Variants in TNFAIP3 observed in about 807,000 individuals in gnomAD.
The protein encoded by TNFAIP3 is tumor necrosis factor alpha-induced protein 3.
TNFAIP3 carries 9 observed loss-of-function variants against 72.4 expected under a neutral mutation model. The observed-to-expected ratio is 0.12, with a 90% CI of 0.07 to 0.22. The LOEUF is 0.22. Ranked by LOEUF, TNFAIP3 falls within the 10% of genes least tolerant of loss-of-function variation. The pLI is 1.00. For synonymous variants in TNFAIP3, 339 were observed against 372.6 expected (o/e 0.91, Z 1.04); for missense variants, 833 against 1,018.7 (o/e 0.82, Z 2.48).
At position 137,876,283 on chromosome 6, in the gene TNFAIP3, G is replaced by A. The variant is rs748432779; in HGVS notation, c.805+117G>A. ...TATATTATTTTTATTTAAATATATT[G>A]TTCTGTGACTTGCTTGGTTAGTAAG... On this transcript the variant is annotated intron_variant, in intron 5 of 8. Transcript: ENST00000612899. 6 of 878,324 alleles carry A rather than the reference G, an allele frequency of 6.8e-6. No individual in the cohort carries two copies. The African/African-American group carries it at 1.0e-4, about 15-fold the overall frequency. 54.4% of individuals were successfully genotyped at this position (878,324 alleles called of 1,614,324 possible).
intron 1 of TNFAIP3, among the ~76,000 whole-genome samples, chr6:137,870,866 G>A (rs1776034746): frequency 6.6e-6 from 1 of 152,158 alleles, no homozygotes; most frequent in African/African-American, 2.4e-5. Context: ...AATGAAACGG[G>A]AGCTTAAGTT....
In TNFAIP3 at chr6:137,871,664, A is replaced by G. The variant is rs567515899; in HGVS notation, c.295+142A>G. On this transcript the variant is annotated intron_variant, in intron 2 of 8. Transcript: ENST00000612899. This position sits in a 1 kb window ranked among gnomAD's most constrained non-coding sequence, Gnocchi z 4.2. ...ATTGAGACCTTTATATAGAATCTCTATTCGGGGTATGTGATAATAGCAGAC... is the reference window on the plus strand; with the variant it reads ...ATTGAGACCTTTATATAGAATCTCTGTTCGGGGTATGTGATAATAGCAGAC... 3.6e-4 allele frequency: 329 copies of G among 904,020 alleles called. 6 individuals carry two copies. The South Asian group carries it at 5.5e-3, about 15-fold the overall frequency. The allele number at this position is 904,020 out of a possible 1,614,324, so 56.0% of individuals were successfully genotyped here.
chr6:137,880,097 A>C lies in TNFAIP3; in HGVS notation c.1933A>C (p.Ser645Arg). ...TTTTGCTGCTGCCTCAGGGAAAGTC[A>C]GTCCCACAGCGTCCAGGTTCCAGAA... ...KHFAAASGKV[S>R]PTASRFQNTI... Residue 645 changes from serine (S) to arginine (R), a missense_variant, in exon 8 of 9, where the codon AGT becomes CGT. Ser to Arg is a moderately radical substitution (Grantham distance 110). Around this residue, in one of 2 missense-constraint regions of TNFAIP3, gnomAD observed 587 missense variants for 657.8 expected, o/e 0.89. Transcript: ENST00000612899. 3 of 1,614,192 alleles carry C rather than the reference A, an allele frequency of 1.9e-6. No homozygotes were observed. Among genetic ancestry groups the C allele is most frequent in the Non-Finnish European group, 2.5e-6 (3 of 1,180,028 alleles).
upstream of TNFAIP3, chr6:137,867,099 C>G (rs1347572464): frequency 1.3e-5 from 2 of 150,836 alleles, no homozygotes; most frequent in South Asian, 4.1e-4. This position sits in a 1 kb window ranked among gnomAD's most constrained non-coding sequence, Gnocchi z 6.0. Context: ...CAGGCCCGGT[C>G]GGGCGGAGGC....
At chr6:137,874,463 A>G (rs1408521943) in intron 2 of TNFAIP3, among the ~76,000 whole-genome samples, 1 of 152,186 alleles carries the variant, frequency 6.6e-6, no homozygotes, top group African/African-American at 2.4e-5. Context: ...CAGCAAATCA[A>G]GGGATGGTAG....
intron 2 of TNFAIP3, among the ~76,000 whole-genome samples, chr6:137,874,039 T>C (rs904845592): frequency 6.6e-6 from 1 of 152,244 alleles, no homozygotes; most frequent in Non-Finnish European, 1.5e-5. Context: ...GCCCATTGAA[T>C]TGTGAGTTTT....
chr6:137,866,784 G>C (rs923505442), upstream of TNFAIP3: 1 of 152,386 alleles, frequency 6.6e-6, no homozygotes, highest in African/African-American at 2.4e-5. Context: ...GAGCCGGCCC[G>C]AGGCCTGCGG....
At position 137,871,453 on chromosome 6, in the gene TNFAIP3, A is replaced by T. The variant is rs754580592; in HGVS notation, c.226A>T (p.Thr76Ser). 1.9e-6 allele frequency: 3 copies of T among 1,614,180 alleles called. No homozygotes were observed. The East Asian group carries it at 6.7e-5, about 36-fold the overall frequency. ...CCTCATCGACAGAAACATCCAGGCC[A>T]CCCTGGAAAGCCAGAAGAAACTCAA... Reference protein sequence around the residue: ...KALIDRNIQATLESQKKLNWC... With the variant: ...KALIDRNIQASLESQKKLNWC... The change falls in exon 2 of 9, where the codon ACC becomes TCC. Residue 76 changes from threonine (T) to serine (S), a missense_variant. Physicochemically the swap from Thr to Ser is moderately conservative, Grantham distance 58. Transcript: ENST00000612899. This position sits in a 1 kb window ranked among gnomAD's most constrained non-coding sequence, Gnocchi z 4.2.
In TNFAIP3 at chr6:137,867,514, G is replaced by C. The variant is rs1480600021; in HGVS notation, c.-44G>C. On this transcript the variant is annotated 5_prime_UTR_variant, in exon 1 of 9. Transcript: ENST00000612899. The surrounding 1 kb of genome is among the most constrained non-coding windows in gnomAD (Gnocchi z 6.0). ...GGAGAGGTAACCGCCGCGCCTCCCG[G>C]AGAGGTAACCGCCGCGCCTCCCGGA... is the stretch of plus-strand genomic sequence containing the variant. 2 of 153,204 alleles carry C rather than the reference G, an allele frequency of 1.3e-5. No individual in the cohort carries two copies. The highest frequency in any genetic ancestry group is 4.8e-5 in the African/African-American group (2 of 41,396). The allele number at this position is 153,204 out of a possible 1,614,324, so 9.5% of individuals were successfully genotyped here. A position where few individuals can be genotyped will look rare whatever the true frequency, so the allele number is the denominator to read the frequency against.
At position 137,871,667 on chromosome 6, in the gene TNFAIP3, CGGGGTATGTGATAATAGCAG is replaced by C; in HGVS notation, c.295+146_295+165del. 1 of 894,414 alleles carries C rather than the reference CGGGGTATGTGATAATAGCAG, an allele frequency of 1.1e-6. No individual in the cohort carries two copies. The highest frequency in any genetic ancestry group is 1.7e-6 in the Non-Finnish European group (1 of 597,804). 55.4% of individuals were successfully genotyped at this position (894,414 alleles called of 1,614,324 possible). ...GAGACCTTTATATAGAATCTCTATTCGGGGTATGTGATAATAGCAGACTTGTTTTGTGAATCTATTTATTA... is the reference window on the plus strand; with the variant it reads ...GAGACCTTTATATAGAATCTCTATTCACTTGTTTTGTGAATCTATTTATTA... On this transcript the variant is annotated intron_variant, in intron 2 of 8. Coordinates refer to ENST00000612899, the MANE Select transcript of TNFAIP3 (RefSeq NM_001270508.2). This position sits in a 1 kb window ranked among gnomAD's most constrained non-coding sequence, Gnocchi z 4.2.
intron 3 of TNFAIP3, 130 bp downstream of exon 3, chr6:137,875,165 TC>T: frequency 9.2e-7 from 1 of 1,083,344 alleles, no homozygotes; most frequent in Admixed American, 2.3e-5. Context: ...CGAAGCATAC[TC>T]AATGGAAAAC....
Position 137,871,669 on chromosome 6 carries a change from G to A in TNFAIP3, c.295+147G>A. ...GACCTTTATATAGAATCTCTATTCG[G>A]GGTATGTGATAATAGCAGACTTGTT... is the stretch of plus-strand genomic sequence containing the variant. On this transcript the variant is annotated intron_variant, in intron 2 of 8. Coordinates refer to ENST00000612899, the MANE Select transcript of TNFAIP3 (RefSeq NM_001270508.2). This position sits in a 1 kb window ranked among gnomAD's most constrained non-coding sequence, Gnocchi z 4.2. The A allele has an allele frequency of 1.1e-6, 1 of 889,558 alleles. No homozygotes were observed. Among genetic ancestry groups the A allele is most frequent in the Non-Finnish European group, 1.7e-6 (1 of 594,180 alleles). 55.1% of individuals were successfully genotyped at this position (889,558 alleles called of 1,614,324 possible). A position where few individuals can be genotyped will look rare whatever the true frequency, so the allele number is the denominator to read the frequency against.
intron 2 of TNFAIP3, 49 bp from the exon 3 acceptor site, chr6:137,874,796 C>T (rs2114476727): frequency 2.5e-6 from 4 of 1,579,620 alleles, no homozygotes; most frequent in Non-Finnish European, 3.5e-6. Context: ...CTGGGTCTTA[C>T]ATGCAGATAA....
chr6:137,874,103 G>A (rs1030389628), intron 2 of TNFAIP3, among the ~76,000 whole-genome samples: 5 of 152,042 alleles, frequency 3.3e-5, no homozygotes, highest in Non-Finnish European at 7.4e-5. Flanking sequence ...TTTTTTGTTT[G>A]TTTTTCTTCT....
intron 6 of TNFAIP3, 63 bp downstream of exon 6, chr6:137,877,319 T>C: frequency 6.8e-7 from 1 of 1,460,982 alleles, no homozygotes; most frequent in Non-Finnish European, 9.2e-7. Context: ...CTCAGCCACC[T>C]GAGTTGCTGC....
At chr6:137,879,685 A>G (rs553117968) in intron 7 of TNFAIP3, among the ~76,000 whole-genome samples, 59 of 152,356 alleles carry the variant, frequency 3.9e-4, no homozygotes, top group African/African-American at 1.3e-3. Context: ...TTTGCAACTT[A>G]GATATAACAG....
Position 137,883,248 on chromosome 6 carries a change from A to G in TNFAIP3, c.*1929A>G, listed in dbSNP as rs1054079451. ...ACCTATTCTTTGTTGGATTTCTTCA[A>G]GTTTTTCTAAATAAATGTAACTTTT... On this transcript the variant is annotated 3_prime_UTR_variant, in exon 9 of 9. Transcript: ENST00000612899. 3 of 192,872 alleles carry G rather than the reference A, an allele frequency of 1.6e-5. No individual in the cohort carries two copies. The highest frequency in any genetic ancestry group is 3.2e-5 in the Non-Finnish European group (3 of 92,678). The allele number at this position is 192,872 out of a possible 1,614,324, so 11.9% of individuals were successfully genotyped here.
rs1056180816 is a variant in TNFAIP3 at position 137,881,090 on chromosome 6, A to C, written c.2144A>C (p.Lys715Thr). The change falls in exon 9 of 9, where the codon AAG (lysine) becomes ACG (threonine). Residue 715 changes from lysine to threonine, a missense_variant. This residue lies in a region of TNFAIP3 where 587 missense variants were observed against 657.8 expected (regional missense o/e 0.89). Transcript: ENST00000612899. This position sits in a 1 kb window ranked among gnomAD's most constrained non-coding sequence, Gnocchi z 5.0. Reference protein sequence around the residue: ...PRTTQSTSRPKCARASCKNIL... With the variant: ...PRTTQSTSRPTCARASCKNIL... Reference sequence around the variant, plus strand: ...ACCACACAAAGCACCTCAAGGCCCAAGTGCGCCCGGGCCTCCTGCAAGAAC... The same window carrying C: ...ACCACACAAAGCACCTCAAGGCCCACGTGCGCCCGGGCCTCCTGCAAGAAC... The C allele has an allele frequency of 3.1e-6, 5 of 1,613,856 alleles. No individual in the cohort carries two copies. In the East Asian group the frequency reaches 1.1e-4, roughly 36 times the overall value.
intron 3 of TNFAIP3, among the ~76,000 whole-genome samples, 169 bp downstream of exon 3, chr6:137,875,204 A>G (rs1454631100): frequency 6.6e-6 from 1 of 152,236 alleles, no homozygotes; most frequent in African/African-American, 2.4e-5. Context: ...GGACTCACCC[A>G]AGGCTTTTGC....
Sources: allele counts gnomAD v4.1 joint callset (sites outside exome capture counted in the v4.1 genomes callset), GRCh38; gene constraint gnomAD v4.1.1; regional missense constraint gnomAD v4.1.1; non-coding constraint Gnocchi (gnomAD v3.1); transcripts MANE v1.5; gene names NCBI Gene and HGNC (gene_info 2026-07-23, HGNC 2026-07-21).